The following PHF20L1 variants were observed in gnomAD, a reference collection of about 807,000 sequenced individuals.
The protein encoded by PHF20L1 is PHD finger protein 20-like protein 1.
In PHF20L1, 44 loss-of-function variants were observed where a neutral mutation model predicts 125.5. The observed-to-expected ratio is 0.35, with a 90% CI of 0.28 to 0.45. The LOEUF is 0.45. Among genes scored for constraint, PHF20L1 ranks in the 20% least tolerant of loss-of-function variants. PHF20L1 has a pLI of 1.00. For missense variants in PHF20L1, 1,012 were observed against 1,217.2 expected (o/e 0.83, Z 2.51); for synonymous variants, 380 against 403.1 (o/e 0.94, Z 0.69).
At chr8:132,840,065 TAAAC>T (rs906462103) in intron 18 of PHF20L1, among the ~76,000 whole-genome samples, 2 of 152,114 alleles carry the variant, frequency 1.3e-5, no homozygotes. Flanking sequence ...AATTTTCTCT[TAAAC>T]AAGTCTTTAA....
chr8:132,845,696 C>A, intron 20 of PHF20L1, 85 bp from the exon 21 acceptor site: 1 of 963,758 alleles, frequency 1.0e-6, no homozygotes, highest in Non-Finnish European at 1.7e-6. Context: ...TTAACTCCAT[C>A]ACAGCTCCAA....
chr8:132,835,996 A>T (rs1010460312), intron 15 of PHF20L1, among the ~76,000 whole-genome samples: 4 of 151,608 alleles, frequency 2.6e-5, no homozygotes, highest in African/African-American at 9.7e-5. Flanking sequence ...TACAATTCAG[A>T]GTTTTTTTTT....
At chr8:132,784,208 C>T (rs1830748493) in intron 2 of PHF20L1, among the ~76,000 whole-genome samples, 1 of 152,060 alleles carries the variant, frequency 6.6e-6, no homozygotes, top group Non-Finnish European at 1.5e-5. Context: ...CTCTAGTGTT[C>T]TTCCTTTTTT....
chr8:132,789,684 C>T (rs2131397108), intron 2 of PHF20L1, among the ~76,000 whole-genome samples: 1 of 152,136 alleles, frequency 6.6e-6, no homozygotes, highest in Admixed American at 6.5e-5. Context: ...TACGAGAGAG[C>T]AAGATAGGCT....
chr8:132,828,145 AC>A (rs1172540122), intron 14 of PHF20L1, among the ~76,000 whole-genome samples: 1 of 152,048 alleles, frequency 6.6e-6, no homozygotes, highest in Non-Finnish European at 1.5e-5. Context: ...TTTTTAGTCT[AC>A]AGTTAGCACC....
intron 2 of PHF20L1, among the ~76,000 whole-genome samples, chr8:132,789,800 T>C (rs1372058399): frequency 6.6e-6 from 1 of 152,186 alleles, no homozygotes; most frequent in Non-Finnish European, 1.5e-5. Context: ...TTATGGTATA[T>C]TGCAGTAATA....
rs951925968 is a variant in PHF20L1, at chr8:132,794,667, C to G, written c.256-66C>G. 5 of 1,499,540 alleles carry G rather than the reference C, an allele frequency of 3.3e-6. 1 individual carries two copies. In the Admixed American group the frequency reaches 7.3e-5, roughly 22 times the overall value. 92.9% of individuals were successfully genotyped at this position (1,499,540 alleles called of 1,614,324 possible). On this transcript the variant is annotated intron_variant, in intron 3 of 20. Coordinates refer to ENST00000395386, the MANE Select transcript of PHF20L1 (RefSeq NM_016018.5). Reference sequence around the variant, plus strand: ...AGGATTCTGTTAAATTATACAAAAGCCTGTTTTTGTTAAGAAATGCTTATT... The same window carrying G: ...AGGATTCTGTTAAATTATACAAAAGGCTGTTTTTGTTAAGAAATGCTTATT...
intron 14 of PHF20L1, among the ~76,000 whole-genome samples, chr8:132,828,714 G>C (rs1422385532): frequency 6.6e-6 from 1 of 152,040 alleles, no homozygotes; most frequent in African/African-American, 2.4e-5. Context: ...TGGGATTTAA[G>C]AGTGTCATCT....
At chr8:132,810,944 A>T in intron 8 of PHF20L1, 102 bp from the exon 9 acceptor site, 1 of 762,288 alleles carries the variant, frequency 1.3e-6, no homozygotes, top group Non-Finnish European at 2.4e-6. Context: ...CCTACGTATT[A>T]AAAAGTATAG....
At chr8:132,793,492 A>G (rs1586887029) in intron 2 of PHF20L1, among the ~76,000 whole-genome samples, 1 of 152,180 alleles carries the variant, frequency 6.6e-6, no homozygotes, top group African/African-American at 2.4e-5. Flanking sequence ...GAATTTAGCA[A>G]AAGCTAGGAA....
At position 132,817,041 on chromosome 8, in the gene PHF20L1, G is replaced by A. The variant is rs1009858725; in HGVS notation, c.1337G>A (p.Ser446Asn). The change falls in exon 11 of 21, where the codon AGT becomes AAT. Residue 446 changes from serine to asparagine, a missense_variant. Transcript: ENST00000395386. ...PATDGKVFSI[S>N]SQNQQESSVP... ...ACTGATGGGAAAGTATTCTCCATCA[G>A]TTCTCAAAATCAGCAAGAATCTTCA... The A allele has an allele frequency of 3.1e-6, 5 of 1,596,602 alleles. No homozygotes were observed. In the Admixed American group the frequency reaches 5.3e-5, roughly 17 times the overall value.
At chr8:132,785,650 A>G (rs1277586475) in intron 2 of PHF20L1, among the ~76,000 whole-genome samples, 1 of 152,172 alleles carries the variant, frequency 6.6e-6, no homozygotes, top group Admixed American at 6.5e-5. Context: ...AGCACATAAG[A>G]ATATACTTCT....
At chr8:132,790,135 C>T (rs1831510290) in intron 2 of PHF20L1, among the ~76,000 whole-genome samples, 1 of 152,144 alleles carries the variant, frequency 6.6e-6, no homozygotes, top group African/African-American at 2.4e-5. Flanking sequence ...AACACTACAG[C>T]TTCCAAATTC....
intron 4 of PHF20L1, among the ~76,000 whole-genome samples, chr8:132,796,988 G>A (rs144315642): frequency 1.3e-5 from 2 of 151,984 alleles, no homozygotes; most frequent in Non-Finnish European, 2.9e-5. Flanking sequence ...CACACATAGC[G>A]CACACACTCA....
At chr8:132,806,741 T>A (rs934680762) in intron 8 of PHF20L1, 23 of 152,076 alleles carry the variant, frequency 1.5e-4, no homozygotes, top group Non-Finnish European at 2.9e-5. Flanking sequence ...GTAATTTTGT[T>A]ATGGCATTAT....
intron 14 of PHF20L1, among the ~76,000 whole-genome samples, chr8:132,828,231 C>T (rs1836402282): frequency 6.6e-6 from 1 of 151,908 alleles, no homozygotes; most frequent in Non-Finnish European, 1.5e-5. Flanking sequence ...TACTTATGTA[C>T]CCAAAACTAA....
intron 6 of PHF20L1, among the ~76,000 whole-genome samples, chr8:132,802,985 T>C (rs1273265154): frequency 6.6e-6 from 1 of 151,858 alleles, no homozygotes; most frequent in Non-Finnish European, 1.5e-5. Flanking sequence ...ACATTTTTAT[T>C]GTGAAAATTA....
At chr8:132,828,514 A>G (rs934603232) in intron 14 of PHF20L1, among the ~76,000 whole-genome samples, 2 of 152,010 alleles carry the variant, frequency 1.3e-5, no homozygotes, top group Non-Finnish European at 2.9e-5. Flanking sequence ...ACAAGTTTTT[A>G]CTTGTTTTTA....
At chr8:132,806,159 T>C (rs1188597215) in intron 8 of PHF20L1, among the ~76,000 whole-genome samples, 1 of 151,980 alleles carries the variant, frequency 6.6e-6, no homozygotes, top group Non-Finnish European at 1.5e-5. Context: ...GCATCATGCT[T>C]TTTTTCCTTC....
Sources: gnomAD v4.1 joint callset for allele counts (sites outside exome capture counted in the v4.1 genomes callset) on GRCh38, gnomAD v4.1.1 for gene constraint, MANE v1.5 for transcripts, NCBI Gene and HGNC (gene_info 2026-07-23, HGNC 2026-07-21) for gene names.